The following D2HGDH variants were observed in gnomAD, a reference collection of about 807,000 sequenced individuals.
D2HGDH encodes the protein D-2-hydroxyglutarate dehydrogenase, mitochondrial.
D2HGDH carries 31 observed loss-of-function variants against 46.9 expected under a neutral mutation model. The ratio of observed to expected loss-of-function variants is 0.66; its 90% confidence interval spans 0.50 to 0.89. The LOEUF is 0.89. Among genes scored for constraint, D2HGDH ranks in the 40% least tolerant of loss-of-function variants. The pLI is 0.00. For synonymous variants in D2HGDH, 364 were observed against 332.6 expected, an observed-to-expected ratio of 1.09 and a Z score of -1.03; for missense variants, 698 against 720.8, an observed-to-expected ratio of 0.97 and a Z score of 0.36.
rs1357616145 is a variant in D2HGDH at position 241,749,330 on chromosome 2, C to A, written c.854-821C>A. 5 of 1,288,510 alleles carry A rather than the reference C, an allele frequency of 3.9e-6. No homozygotes were observed. In the African/African-American group the frequency reaches 6.1e-5, roughly 16 times the overall value. The allele number at this position is 1,288,510 out of a possible 1,614,324, so 79.8% of individuals were successfully genotyped here. On this transcript the variant is annotated intron_variant, in intron 6 of 9. Coordinates refer to ENST00000321264, the MANE Select transcript of D2HGDH (RefSeq NM_152783.5). ...GCCCCCAGCCTCTGCGCCTGTGAGA[C>A]CTTCTCTCTGGAAAATTCTTCTCTG...
intron 9 of D2HGDH, among the ~76,000 whole-genome samples, chr2:241,763,139 G>A (rs1464524975): frequency 1.3e-5 from 2 of 152,224 alleles, no homozygotes; most frequent in Admixed American, 6.5e-5. Flanking sequence ...GCAGGCCGCC[G>A]TTGCTCGGGA....
In D2HGDH at chr2:241,742,710, C is replaced by T; in HGVS notation, c.490+136C>T. The T allele has an allele frequency of 8.4e-7, 1 of 1,190,096 alleles. No individual in the cohort carries two copies. The highest frequency in any genetic ancestry group is 1.2e-6 in the Non-Finnish European group (1 of 815,310). The allele number at this position is 1,190,096 out of a possible 1,614,324, so 73.7% of individuals were successfully genotyped here. ...CCGGCGCTGGGGAAAGAACCAGCGT[C>T]TGTAGCCTGGCCGCCTAGCCCCACC... On this transcript the variant is annotated intron_variant, in intron 4 of 9. Coordinates refer to ENST00000321264, the MANE Select transcript of D2HGDH (RefSeq NM_152783.5). This position sits in a 1 kb window ranked among gnomAD's most constrained non-coding sequence, Gnocchi z 4.8.
chr2:241,735,652 C>T, intron 2 of D2HGDH, 136 bp downstream of exon 2: 1 of 1,189,450 alleles, frequency 8.4e-7, no homozygotes, highest in Non-Finnish European at 1.2e-6. Flanking sequence ...GGCGTGTGCA[C>T]CGCCACAGGC....
Position 241,755,936 on chromosome 2 carries a change from C to G in D2HGDH, c.1228C>G (p.Arg410Gly). Residue 410 changes from arginine to glycine, a missense_variant, in exon 9 of 10, where the codon CGG (arginine) becomes GGG (glycine). By Grantham distance (125) the Arg-to-Gly change is moderately radical. Coordinates refer to ENST00000321264, the MANE Select transcript of D2HGDH (RefSeq NM_152783.5). Reference sequence around the variant, plus strand: ...GTACGACCTCTCCCTCCCTGTGGAGCGGCTCTACGACATCGTGACTGACCT... The same window carrying G: ...GTACGACCTCTCCCTCCCTGTGGAGGGGCTCTACGACATCGTGACTGACCT... The part of the protein sequence containing the change: ...YKYDLSLPVE[R>G]LYDIVTDLRA... 6.2e-7 allele frequency: 1 copy of G among 1,612,282 alleles called. No individual in the cohort carries two copies. Among genetic ancestry groups the G allele is most frequent in the Non-Finnish European group, 8.5e-7 (1 of 1,179,102 alleles).
At position 241,750,303 on chromosome 2, in the gene D2HGDH, C is replaced by T. The variant is rs1696917220; in HGVS notation, c.997+9C>T. 1.2e-6 allele frequency: 2 copies of T among 1,611,744 alleles called. No individual in the cohort carries two copies. The highest frequency in any genetic ancestry group is 1.3e-5 in the African/African-American group (1 of 74,980). On this transcript the variant is annotated intron_variant, in intron 7 of 9. Transcript: ENST00000321264. ...GGCCAGCCCGGTGCAAGGTACTGAC[C>T]CCCCACACAGGGGGCAGCTGGTCCT...
chr2:241,748,861 G>A, intron 6 of D2HGDH: 1 of 1,287,236 alleles, frequency 7.8e-7, no homozygotes, highest in Non-Finnish European at 1.0e-6. Flanking sequence ...CACTCCAACT[G>A]CAGTCACCTG....
At chr2:241,759,910 T>C (rs1003361995) in intron 9 of D2HGDH, among the ~76,000 whole-genome samples, 6 of 152,282 alleles carry the variant, frequency 3.9e-5, no homozygotes, top group Admixed American at 6.5e-5. Context: ...CCTCGTTTGG[T>C]CAAACTCCAG....
intron 2 of D2HGDH, among the ~76,000 whole-genome samples, chr2:241,739,109 C>T (rs1010205144): frequency 6.6e-6 from 1 of 152,224 alleles, no homozygotes; most frequent in African/African-American, 2.4e-5. Flanking sequence ...GCCCCCATGG[C>T]CCCCTCCGTC....
At chr2:241,757,891 G>A (rs745868678) in intron 9 of D2HGDH, among the ~76,000 whole-genome samples, 7 of 151,972 alleles carry the variant, frequency 4.6e-5, no homozygotes, top group Admixed American at 2.6e-4. Flanking sequence ...CCCAGGAGGC[G>A]GAGGTTGCAG....
At chr2:241,756,155 C>A in intron 9 of D2HGDH, 141 bp downstream of exon 9, 1 of 1,251,620 alleles carries the variant, frequency 8.0e-7, no homozygotes, top group Non-Finnish European at 1.1e-6. Context: ...CTGGCAGGAC[C>A]ACGGTGTCTG....
In D2HGDH at chr2:241,744,706, A is replaced by G. The variant is rs1695407474; in HGVS notation, c.685-3A>G. On this transcript the variant is annotated splice_region_variant and splice_polypyrimidine_tract_variant and intron_variant, in intron 5 of 9. Coordinates refer to ENST00000321264, the MANE Select transcript of D2HGDH (RefSeq NM_152783.5). ...GGGTGAACGTGCTTCTCTTTGCCCC[A>G]AGGTGCTGGCCGACGGCACTGTCCT... is the stretch of plus-strand genomic sequence containing the variant. 1 of 1,614,078 alleles carries G rather than the reference A, an allele frequency of 6.2e-7. No homozygotes were observed. The highest frequency in any genetic ancestry group is 1.7e-5 in the Admixed American group (1 of 60,002).
At position 241,741,103 on chromosome 2, in the gene D2HGDH, C is replaced by T. The variant is rs779219123; in HGVS notation, c.350+13C>T. On this transcript the variant is annotated intron_variant, in intron 3 of 9. Transcript: ENST00000321264. ...CCCACATCCTCAGGTGAGGTGGTGG[C>T]TCCCGGCTCCCCCAGCCTTCCCTGT... The T allele has an allele frequency of 1.2e-6, 2 of 1,612,086 alleles. No homozygotes were observed. Among genetic ancestry groups the T allele is most frequent in the Non-Finnish European group, 8.5e-7 (1 of 1,179,318 alleles).
chr2:241,760,717 G>A (rs572002184), intron 9 of D2HGDH, among the ~76,000 whole-genome samples: 1 of 152,392 alleles, frequency 6.6e-6, no homozygotes, highest in South Asian at 2.1e-4. Context: ...ATCAGTCGAA[G>A]GCCACAAGAG....
At chr2:241,759,396 C>T (rs182432460) in intron 9 of D2HGDH, among the ~76,000 whole-genome samples, 29 of 152,322 alleles carry the variant, frequency 1.9e-4, no homozygotes, top group Middle Eastern at 6.8e-3. Flanking sequence ...AATCTCCTAA[C>T]GCGATGGACT....
At chr2:241,765,184 C>T (rs1007047786) in intron 9 of D2HGDH, among the ~76,000 whole-genome samples, 7 of 152,232 alleles carry the variant, frequency 4.6e-5, no homozygotes, top group African/African-American at 1.7e-4. Context: ...GACTGGAAGA[C>T]GGTCTGGACT....
Position 241,755,991 on chromosome 2 carries a change from A to T in D2HGDH, c.1283A>T (p.His428Leu), listed in dbSNP as rs1698126723. Reference sequence around the variant, plus strand: ...GCCCGCCTCGGCCCGCACGCCAAGCACGTGGTGGGCTATGGCCACCTTGGT... The same window carrying T: ...GCCCGCCTCGGCCCGCACGCCAAGCTCGTGGTGGGCTATGGCCACCTTGGT... The part of the protein sequence containing the change: ...LRARLGPHAK[H>L]VVGYGHLGDG... Residue 428 changes from histidine to leucine, a missense_variant, in exon 9 of 10, where the codon CAC (histidine) becomes CTC (leucine). Transcript: ENST00000321264. The T allele has an allele frequency of 6.2e-7, 1 of 1,602,608 alleles. No individual in the cohort carries two copies. Among genetic ancestry groups the T allele is most frequent in the African/African-American group, 1.3e-5 (1 of 74,672 alleles).
intron 9 of D2HGDH, among the ~76,000 whole-genome samples, chr2:241,757,953 C>G (rs1698343817): frequency 6.7e-6 from 1 of 149,472 alleles, no homozygotes. Context: ...GAGTGAAACT[C>G]CATCTCAAAA....
rs1373487395 is a variant in D2HGDH, at chr2:241,742,793, G to A, written c.490+219G>A. 2.0e-5 allele frequency among the ~76,000 whole-genome samples: 3 copies of A among 152,208 alleles called. No individual in the cohort carries two copies. Among genetic ancestry groups the A allele is most frequent in the East Asian group, 1.9e-4 (1 of 5,194 alleles). On this transcript the variant is annotated intron_variant, in intron 4 of 9. Coordinates refer to ENST00000321264, the MANE Select transcript of D2HGDH (RefSeq NM_152783.5). The surrounding 1 kb of genome is among the most constrained non-coding windows in gnomAD (Gnocchi z 4.8). ...AGGGCTTGTCATTCTGGTCCCTTCCGACTCCATCCCGCTCTAGAGGTGTGT... is the reference window on the plus strand; with the variant it reads ...AGGGCTTGTCATTCTGGTCCCTTCCAACTCCATCCCGCTCTAGAGGTGTGT...
At position 241,755,834 on chromosome 2, in the gene D2HGDH, C is replaced by T. The variant is rs760878035; in HGVS notation, c.1141-15C>T. On this transcript the variant is annotated splice_polypyrimidine_tract_variant and intron_variant, in intron 8 of 9. Transcript: ENST00000321264. ...CCCATAGCCAGCCCTTGTCTCATCT[C>T]GTCTCATCCTCTAGATGCTGTGGGC... is the stretch of plus-strand genomic sequence containing the variant. The T allele has an allele frequency of 1.6e-5, 26 of 1,611,062 alleles. No individual in the cohort carries two copies. The highest frequency in any genetic ancestry group is 1.1e-4 in the African/African-American group (8 of 74,850).
Sources: allele counts gnomAD v4.1 joint callset (sites outside exome capture counted in the v4.1 genomes callset), GRCh38; gene constraint gnomAD v4.1.1; non-coding constraint Gnocchi (gnomAD v3.1); transcripts MANE v1.5; gene names NCBI Gene and HGNC (gene_info 2026-07-23, HGNC 2026-07-21).